Variants in ZNF215 observed in about 807,000 individuals in gnomAD.
ZNF215 encodes BWSCR2-associated zinc finger protein 2.
Under a neutral mutation model 27.2 loss-of-function variants are expected in ZNF215, and 24 were observed. The observed-to-expected ratio is 0.88, with a 90% CI of 0.64 to 1.24. The LOEUF is 1.24. ZNF215 is among the 50% of genes most tolerant of loss of function. The probability of loss-of-function intolerance (pLI) is 0.00; values close to 1 mark genes in which losing one functional copy is unlikely to be tolerated. For missense variants in ZNF215, 675 were observed against 605.7 expected (o/e 1.11, Z -1.20); for synonymous variants, 210 against 204.0 (o/e 1.03, Z -0.25).
At chr11:6,991,425 G>A (rs868353770), downstream of ZNF215, among the ~76,000 whole-genome samples, 7 of 152,260 alleles carry the variant, frequency 4.6e-5, no homozygotes, top group Middle Eastern at 3.4e-3. Context: ...ACACACCGTC[G>A]GGGCTGGTAC....
downstream of ZNF215, among the ~76,000 whole-genome samples, chr11:6,993,567 A>G (rs1851142876): frequency 6.6e-6 from 1 of 152,084 alleles, no homozygotes; most frequent in Admixed American, 6.6e-5. Context: ...CATAGTTTCT[A>G]TCAATTTTTT....
intron 6 of ZNF215, among the ~76,000 whole-genome samples, chr11:6,952,017 GT>G (rs1029923916): frequency 1.3e-5 from 2 of 152,196 alleles, no homozygotes; most frequent in African/African-American, 2.4e-5. Flanking sequence ...GGAGCAGGTT[GT>G]TTAGTTTCCA....
At chr11:6,985,029 C>T (rs1851032293), downstream of ZNF215, among the ~76,000 whole-genome samples, 1 of 151,996 alleles carries the variant, frequency 6.6e-6, no homozygotes, top group South Asian at 2.1e-4. Flanking sequence ...AGGAGGGGGG[C>T]TCCTCTATAA....
intron 6 of ZNF215, among the ~76,000 whole-genome samples, chr11:6,949,517 T>G (rs1250610151): frequency 6.6e-6 from 1 of 152,244 alleles, no homozygotes; most frequent in African/African-American, 2.4e-5. Flanking sequence ...GAGCATTTTT[T>G]CATGTGTTTT....
downstream of ZNF215, among the ~76,000 whole-genome samples, chr11:6,992,459 T>C (rs1851126106): frequency 6.6e-6 from 1 of 152,222 alleles, no homozygotes. Flanking sequence ...CTATGAATAA[T>C]ATGACAGGAT....
At chr11:6,961,265 G>C (rs185863169), downstream of ZNF215, among the ~76,000 whole-genome samples, 2 of 152,048 alleles carry the variant, frequency 1.3e-5, no homozygotes, top group East Asian at 3.9e-4. Context: ...ATTTTTTTCT[G>C]TCAGGGTTAT....
At chr11:6,984,112 AT>A (rs3077870) in intron 5 of ZNF215, 4,457 of 356,108 alleles carry the variant, frequency 0.013, no homozygotes, top group Middle Eastern at 0.017. Context: ...TGTCCCTTAA[AT>A]TTTTTTTTTT....
rs575625979 is a variant in ZNF215 at position 6,940,418 on chromosome 11, C to T, written c.401-1153C>T. ...CTCCTAGGCTCGGGAAATCCTCCTG[C>T]GTCAGCCTCCCAAGTAGATGAGACC... On this transcript the variant is annotated intron_variant, in intron 3 of 6. Transcript: ENST00000278319. Among the ~76,000 whole-genome samples, 63 of 152,214 alleles carry T rather than the reference C, an allele frequency of 4.1e-4. 1 individual carries two copies. The highest frequency in any genetic ancestry group is 1.0e-3 in the African/African-American group (42 of 41,532).
intron 5 of ZNF215, among the ~76,000 whole-genome samples, chr11:6,966,808 ATTTCT>A: frequency 6.6e-6 from 1 of 150,660 alleles, no homozygotes; most frequent in South Asian, 2.1e-4. Context: ...GGAAGTTGAC[ATTTCT>A]TTTATTATTT....
At chr11:6,991,446 C>T (rs1224018776), downstream of ZNF215, among the ~76,000 whole-genome samples, 2 of 152,164 alleles carry the variant, frequency 1.3e-5, no homozygotes. Flanking sequence ...TCCAGTGCTC[C>T]CCCGCCCACC....
downstream of ZNF215, among the ~76,000 whole-genome samples, chr11:6,984,848 A>C (rs891574065): frequency 9.2e-5 from 5 of 54,500 alleles, no homozygotes; most frequent in African/African-American, 4.7e-4. Context: ...TTATAGAAAT[A>C]AAAAATAGTT....
At chr11:6,937,966 A>C (rs2262675) in intron 3 of ZNF215, among the ~76,000 whole-genome samples, 22,050 of 151,996 alleles carry the variant, frequency 0.15, 1,826 homozygotes, top group Middle Eastern at 0.23. Context: ...ATGACACCAA[A>C]GATACAAGCA....
chr11:6,937,096 A>G (rs966393132), intron 3 of ZNF215, among the ~76,000 whole-genome samples: 1 of 152,036 alleles, frequency 6.6e-6, no homozygotes, highest in Non-Finnish European at 1.5e-5. Flanking sequence ...TAGGCAAGAA[A>G]AAAAGAAAAG....
intron 6 of ZNF215, among the ~76,000 whole-genome samples, chr11:6,953,139 C>T (rs957852883): frequency 6.6e-6 from 1 of 152,098 alleles, no homozygotes; most frequent in Non-Finnish European, 1.5e-5. Context: ...TGTGGGTAAC[C>T]CGACCTTTCT....
At chr11:6,940,230 T>TAAA (rs749709865) in intron 3 of ZNF215, among the ~76,000 whole-genome samples, 3 of 133,300 alleles carry the variant, frequency 2.3e-5, no homozygotes, top group Non-Finnish European at 4.9e-5. Context: ...AGACCCTCTT[T>TAAA]AAAAAAAAAA....
chr11:6,927,841 C>CA (rs1188938301), intron 2 of ZNF215, 34 bp downstream of exon 2: 2 of 152,220 alleles, frequency 1.3e-5, no homozygotes, highest in African/African-American at 4.8e-5. Flanking sequence ...TTTTCACCTA[C>CA]AAACCTCCCA....
chr11:6,930,841 T>C (rs1276254208), intron 2 of ZNF215, among the ~76,000 whole-genome samples: 1 of 152,246 alleles, frequency 6.6e-6, no homozygotes, highest in African/African-American at 2.4e-5. Flanking sequence ...TAGTAACTAG[T>C]ACATCTGGGA....
At chr11:6,972,923 A>G (rs945079376) in intron 5 of ZNF215, among the ~76,000 whole-genome samples, 1 of 151,244 alleles carries the variant, frequency 6.6e-6, no homozygotes, top group Non-Finnish European at 1.5e-5. Context: ...TTTTTTTATT[A>G]TACTTTAAGT....
chr11:6,969,748 A>G (rs1850686190), intron 5 of ZNF215, among the ~76,000 whole-genome samples: 1 of 152,144 alleles, frequency 6.6e-6, no homozygotes, highest in South Asian at 2.1e-4. Flanking sequence ...TAAGGCTCTC[A>G]TCTTTTCATA....
Sources: gnomAD v4.1 joint callset for allele counts (sites outside exome capture counted in the v4.1 genomes callset) on GRCh38, gnomAD v4.1.1 for gene constraint, MANE v1.5 for transcripts, NCBI Gene and HGNC (gene_info 2026-07-23, HGNC 2026-07-21) for gene names.